The following MUC17 variants were observed in gnomAD, a reference collection of about 807,000 sequenced individuals.
The protein encoded by MUC17 is mucin-17.
MUC17 carries 190 observed loss-of-function variants against 170.3 expected under a neutral mutation model. The observed-to-expected ratio is 1.12, with a 90% CI of 0.99 to 1.26. The LOEUF (loss-of-function observed/expected upper bound fraction) is 1.26. Among genes scored for constraint, MUC17 ranks in the 50% most tolerant of loss-of-function variants. MUC17 has a pLI of 0.00. For missense variants in MUC17, 6,415 were observed against 5,530.0 expected (o/e 1.16, Z -5.08); for synonymous variants, 2,325 against 2,002.5 (o/e 1.16, Z -4.30).
chr7:101,036,949 G>A lies in MUC17; in HGVS notation c.5533G>A (p.Val1845Ile). 6.3e-7 allele frequency: 1 copy of A among 1,583,860 alleles called. No individual in the cohort carries two copies. Among genetic ancestry groups the A allele is most frequent in the East Asian group, 2.7e-5 (1 of 37,264 alleles). The change falls in exon 3 of 13, where the codon GTC (valine) becomes ATC (isoleucine). Residue 1845 changes from valine to isoleucine, a missense_variant. Physicochemically the swap from Val to Ile is conservative, Grantham distance 29. Coordinates refer to ENST00000306151, the MANE Select transcript of MUC17 (RefSeq NM_001040105.2). Reference sequence around the variant, plus strand: ...CAGTCCTGTGGTCACTTCTACAGCAGTCAGTTCATCTCCTACACCTGCTGA... The same window carrying A: ...CAGTCCTGTGGTCACTTCTACAGCAATCAGTTCATCTCCTACACCTGCTGA... Reference protein sequence around the residue: ...SNSPVVTSTAVSSSPTPAEGT... With the variant: ...SNSPVVTSTAISSSPTPAEGT...
intron 1 of MUC17, among the ~76,000 whole-genome samples, chr7:101,026,861 C>T (rs1003434272): frequency 2.0e-5 from 3 of 152,232 alleles, no homozygotes; most frequent in Non-Finnish European, 4.4e-5. Flanking sequence ...ACTACAGGCA[C>T]GCACCACCAT....
At chr7:101,050,050 G>C (rs138745648) in intron 6 of MUC17, among the ~76,000 whole-genome samples, 1 of 152,300 alleles carries the variant, frequency 6.6e-6, no homozygotes, top group Non-Finnish European at 1.5e-5. Context: ...AGGATCACGT[G>C]AGCCCAGGAG....
At chr7:101,030,159 G>A (rs1445720957) in intron 1 of MUC17, among the ~76,000 whole-genome samples, 1 of 151,058 alleles carries the variant, frequency 6.6e-6, no homozygotes, top group Non-Finnish European at 1.5e-5. Context: ...TCTTAGCAAT[G>A]TTCTAATGGA....
Position 101,037,131 on chromosome 7 carries a change from T to G in MUC17, c.5715T>G (p.Ser1905Arg). The change falls in exon 3 of 13, where the codon AGT becomes AGG. Residue 1905 changes from serine (S) to arginine (R), a missense_variant. By Grantham distance (110) the Ser-to-Arg change is moderately radical. Coordinates refer to ENST00000306151, the MANE Select transcript of MUC17 (RefSeq NM_001040105.2). ...STPVTTYAQV[S>R]SSPTTADGSS... ...CTGTGACCACTTATGCTCAAGTCAG[T>G]TCATCTCCTACAACTGCTGACGGTA... The G allele has an allele frequency of 1.9e-6, 3 of 1,612,088 alleles. No homozygotes were observed. Among genetic ancestry groups the G allele is most frequent in the Non-Finnish European group, 2.5e-6 (3 of 1,179,674 alleles).
chr7:101,023,811 A>G (rs993886977), intron 1 of MUC17, among the ~76,000 whole-genome samples: 2 of 152,158 alleles, frequency 1.3e-5, no homozygotes, highest in African/African-American at 2.4e-5. Flanking sequence ...ACTGTTTTCT[A>G]TAGAGGTTGT....
intron 1 of MUC17, among the ~76,000 whole-genome samples, chr7:101,028,621 T>C (rs987802097): frequency 2.0e-5 from 3 of 151,186 alleles, no homozygotes; most frequent in African/African-American, 2.4e-5. Flanking sequence ...CTCATACCTG[T>C]AATCCCAGCA....
rs778968018 is a variant in MUC17 at position 101,039,833 on chromosome 7, G to C, written c.8417G>C (p.Ser2806Thr). Residue 2806 changes from serine to threonine, a missense_variant, in exon 3 of 13, where the codon AGT becomes ACT. By Grantham distance (58) the Ser-to-Thr change is moderately conservative (BLOSUM62 1). Coordinates refer to ENST00000306151, the MANE Select transcript of MUC17 (RefSeq NM_001040105.2). ...ACCAGCATGCCAACCTCAACTCCTA[G>C]TGAAACAAGTACTCCATTAACTAGT... ...EVTSMPTSTPSETSTPLTSMP... is the reference protein window; with the variant it reads ...EVTSMPTSTPTETSTPLTSMP... 1.2e-6 allele frequency: 2 copies of C among 1,610,564 alleles called. No individual in the cohort carries two copies. The highest frequency in any genetic ancestry group is 1.7e-6 in the Non-Finnish European group (2 of 1,178,378).
intron 10 of MUC17, 60 bp downstream of exon 10, chr7:101,053,207 AC>A: frequency 6.3e-7 from 1 of 1,589,348 alleles, no homozygotes; most frequent in Non-Finnish European, 8.6e-7. Context: ...CTTCCTCTGA[AC>A]CCTCTGTCTC....
At chr7:101,050,294 G>A (rs7806980) in intron 6 of MUC17, among the ~76,000 whole-genome samples, 190 bp from the exon 7 acceptor site, 3 of 151,892 alleles carry the variant, frequency 2.0e-5, no homozygotes, top group South Asian at 4.2e-4. Context: ...GGGGCCCAGC[G>A]CAGTGTGTAG....
Position 101,035,529 on chromosome 7 carries a change from T to C in MUC17, c.4113T>C (p.Ser1371=), listed in dbSNP as rs752117542. ...PVDNSTPVTT[S]TEACSSPTTS... is the part of the protein sequence containing the mutation. ...ACAACAGCACACCTGTGACCACTTC[T>C]ACTGAAGCCTGTTCATCTCCTACAA... The change falls in exon 3 of 13, where the codon TCT becomes TCC. Residue 1371 remains serine (S), a synonymous_variant. Coordinates refer to ENST00000306151, the MANE Select transcript of MUC17 (RefSeq NM_001040105.2). 1.5e-5 allele frequency: 24 copies of C among 1,596,452 alleles called. No homozygotes were observed. The African/African-American group carries it at 3.1e-4, about 21-fold the overall frequency.
In MUC17 at chr7:101,038,269, C is replaced by A. The variant is rs1031533246; in HGVS notation, c.6853C>A (p.Pro2285Thr). The A allele has an allele frequency of 3.1e-6, 5 of 1,613,764 alleles. No homozygotes were observed. The African/African-American group carries it at 5.3e-5, about 17-fold the overall frequency. The stretch of plus-strand genomic sequence containing the variant: ...AGGAACGACTCCATTAACAAGTATA[C>A]CTGTCAGCCACACGCTGGTGGCCAA... Reference protein sequence around the residue: ...SEGTTPLTSIPVSHTLVANSE... With the variant: ...SEGTTPLTSITVSHTLVANSE... The change falls in exon 3 of 13, where the codon CCT (proline) becomes ACT (threonine). Residue 2285 changes from proline to threonine, a missense_variant. By Grantham distance (38) the Pro-to-Thr change is conservative. Transcript: ENST00000306151.
At position 101,038,216 on chromosome 7, in the gene MUC17, C is replaced by T; in HGVS notation, c.6800C>T (p.Thr2267Ile). 1 of 1,613,924 alleles carries T rather than the reference C, an allele frequency of 6.2e-7. No individual in the cohort carries two copies. Among genetic ancestry groups the T allele is most frequent in the South Asian group, 1.1e-5 (1 of 91,066 alleles). ...ATSSPTTAEGTSIPTSTLSEG... is the reference protein window; with the variant it reads ...ATSSPTTAEGISIPTSTLSEG... Reference sequence around the variant, plus strand: ...TCATCTCCTACAACTGCTGAAGGTACCAGCATACCAACTTCAACTCTTAGT... The same window carrying T: ...TCATCTCCTACAACTGCTGAAGGTATCAGCATACCAACTTCAACTCTTAGT... The change falls in exon 3 of 13, where the codon ACC becomes ATC. Residue 2267 changes from threonine (T) to isoleucine (I), a missense_variant. Physicochemically the swap from Thr to Ile is moderately conservative, Grantham distance 89. Transcript: ENST00000306151.
rs56103274 is a variant in MUC17, at chr7:101,032,695, G to A, written c.1279G>A (p.Ala427Thr). 0.48 allele frequency: 763,547 copies of A among 1,605,996 alleles called. 186,001 individuals carry two copies. Among genetic ancestry groups the A allele is most frequent in the East Asian group, 0.57 (25,629 of 44,580 alleles). Residue 427 changes from alanine to threonine, a missense_variant, in exon 3 of 13, where the codon GCT (alanine) becomes ACT (threonine). Ala to Thr is a moderately conservative substitution (Grantham distance 58, BLOSUM62 0). Coordinates refer to ENST00000306151, the MANE Select transcript of MUC17 (RefSeq NM_001040105.2). ...TGACTCCAAAACTTTTGTGACCACT[G>A]CTAGTGAAGCCAGCTCATCTCCCAC... ...PVDSKTFVTT[A>T]SEASSSPTTA...
At position 101,035,199 on chromosome 7, in the gene MUC17, A is replaced by C; in HGVS notation, c.3783A>C (p.Thr1261=). ...TTSAETSSSP[T]TAEGTSLPTS... Reference sequence around the variant, plus strand: ...CTGCTGAAACCAGTTCCTCTCCTACAACCGCTGAAGGTACCAGCTTGCCAA... The same window carrying C: ...CTGCTGAAACCAGTTCCTCTCCTACCACCGCTGAAGGTACCAGCTTGCCAA... The change falls in exon 3 of 13, where the codon ACA becomes ACC. Residue 1261 remains threonine (T), a synonymous_variant. Coordinates refer to ENST00000306151, the MANE Select transcript of MUC17 (RefSeq NM_001040105.2). The C allele has an allele frequency of 6.2e-7, 1 of 1,610,072 alleles. No individual in the cohort carries two copies. Among genetic ancestry groups the C allele is most frequent in the Non-Finnish European group, 8.5e-7 (1 of 1,177,876 alleles).
chr7:101,030,612 A>T (rs10225024), intron 1 of MUC17, among the ~76,000 whole-genome samples: 1 of 152,056 alleles, frequency 6.6e-6, no homozygotes. Flanking sequence ...TCTGTCACCC[A>T]GGCTAGAGTG....
Position 101,035,371 on chromosome 7 carries a change from C to T in MUC17, c.3955C>T (p.Pro1319Ser). The T allele has an allele frequency of 1.2e-6, 2 of 1,611,058 alleles. No individual in the cohort carries two copies. Among genetic ancestry groups the T allele is most frequent in the Non-Finnish European group, 1.7e-6 (2 of 1,178,282 alleles). The change falls in exon 3 of 13, where the codon CCT becomes TCT. Residue 1319 changes from proline to serine, a missense_variant. Physicochemically the swap from Pro to Ser is moderately conservative, Grantham distance 74. Coordinates refer to ENST00000306151, the MANE Select transcript of MUC17 (RefSeq NM_001040105.2). ...VVTSNEVSSS[P>S]TPAEGTSMPT... ...CACTTCTAATGAAGTCAGTTCATCTCCTACACCTGCTGAAGGTACCAGCAT... is the reference window on the plus strand; with the variant it reads ...CACTTCTAATGAAGTCAGTTCATCTTCTACACCTGCTGAAGGTACCAGCAT...
intron 1 of MUC17, among the ~76,000 whole-genome samples, chr7:101,023,035 G>A (rs1794122370): frequency 6.6e-6 from 1 of 152,122 alleles, no homozygotes; most frequent in South Asian, 2.1e-4. Flanking sequence ...TAAAACCGAG[G>A]TGTCACAGGG....
In MUC17 at chr7:101,058,544, T is replaced by G. The variant is rs1297486642; in HGVS notation, c.*500T>G. ...TCCCTGCTAGCACTTCCAAACAAGC[T>G]CAGAGATGTTCCTCCCCTCATCTGC... On this transcript the variant is annotated 3_prime_UTR_variant, in exon 13 of 13. Coordinates refer to ENST00000306151, the MANE Select transcript of MUC17 (RefSeq NM_001040105.2). 1 of 152,720 alleles carries G rather than the reference T, an allele frequency of 6.5e-6. No individual in the cohort carries two copies. The highest frequency in any genetic ancestry group is 2.4e-5 in the African/African-American group (1 of 41,418). 9.5% of individuals were successfully genotyped at this position (152,720 alleles called of 1,614,324 possible).
rs1241591450 is a variant in MUC17 at position 101,020,617 on chromosome 7, C to T, written c.82+400C>T. On this transcript the variant is annotated intron_variant, in intron 1 of 12. Transcript: ENST00000306151. ...TATCCTTACCCAGTGAATGTTCCCG[C>T]CAAGTCCCTGTCACCTCCCACACCA... Among the ~76,000 whole-genome samples the T allele has an allele frequency of 3.3e-5, 5 of 152,264 alleles. No individual in the cohort carries two copies. The South Asian group carries it at 1.0e-3, about 32-fold the overall frequency.
Sources: allele counts gnomAD v4.1 joint callset (sites outside exome capture counted in the v4.1 genomes callset), GRCh38; gene constraint gnomAD v4.1.1; transcripts MANE v1.5; gene names NCBI Gene and HGNC (gene_info 2026-07-23, HGNC 2026-07-21).